MGAT4A: variants seen among roughly 807,000 people sequenced by gnomAD.
MGAT4A encodes N-acetylglucosaminyltransferase IVa.
Under a neutral mutation model 74.1 loss-of-function variants are expected in MGAT4A, and 33 were observed. The observed-to-expected ratio is 0.45, with a 90% CI of 0.34 to 0.60. MGAT4A has a LOEUF of 0.60. Among genes scored for constraint, MGAT4A ranks in the 20% least tolerant of loss-of-function variants. The probability of loss-of-function intolerance (pLI) is 0.02; values close to 1 mark genes in which losing one functional copy is unlikely to be tolerated. For synonymous variants in MGAT4A, 198 were observed against 210.4 expected, an observed-to-expected ratio of 0.94 and a Z score of 0.51; for missense variants, 479 against 628.3, an observed-to-expected ratio of 0.76 and a Z score of 2.54.
chr2:98,638,557 G>A (rs1174963801), intron 12 of MGAT4A, among the ~76,000 whole-genome samples: 1 of 152,198 alleles, frequency 6.6e-6, no homozygotes, highest in Non-Finnish European at 1.5e-5. Context: ...CTAATTCTAT[G>A]CTGGCTCTCT....
intron 2 of MGAT4A, among the ~76,000 whole-genome samples, chr2:98,696,605 A>C (rs1388939980): frequency 1.3e-5 from 2 of 152,272 alleles, no homozygotes; most frequent in Non-Finnish European, 2.9e-5. Flanking sequence ...TAAGTACCCA[A>C]GTCCAAGTCT....
intron 2 of MGAT4A, 94 bp downstream of exon 2, chr2:98,726,145 G>C: frequency 1.3e-6 from 1 of 773,648 alleles, no homozygotes; most frequent in South Asian, 2.0e-5. Flanking sequence ...GTAACATGCA[G>C]ATTGCCAGGG....
intron 1 of MGAT4A, 84 bp downstream of exon 1, chr2:98,730,964 C>A (rs1702846177): frequency 6.8e-6 from 1 of 146,946 alleles, no homozygotes; most frequent in African/African-American, 2.5e-5. Context: ...GCCGGCGCCG[C>A]CCCCAACTCC....
chr2:98,699,967 C>T (rs1476330707), intron 2 of MGAT4A, among the ~76,000 whole-genome samples: 1 of 152,144 alleles, frequency 6.6e-6, no homozygotes, highest in Non-Finnish European at 1.5e-5. Context: ...TTATAGGATA[C>T]GTGACCCGTC....
At chr2:98,704,460 T>G (rs945994127) in intron 2 of MGAT4A, among the ~76,000 whole-genome samples, 1 of 152,020 alleles carries the variant, frequency 6.6e-6, no homozygotes, top group African/African-American at 2.4e-5. Flanking sequence ...AATACAAAAC[T>G]TAGCAGGGTG....
chr2:98,715,665 G>A (rs1378475198), intron 2 of MGAT4A, among the ~76,000 whole-genome samples: 1 of 152,150 alleles, frequency 6.6e-6, no homozygotes, highest in East Asian at 1.9e-4. Context: ...TGAGGAGGGA[G>A]AGGATCAGAA....
chr2:98,671,101 C>G (rs371571087), intron 4 of MGAT4A, among the ~76,000 whole-genome samples: 9 of 152,162 alleles, frequency 5.9e-5, no homozygotes, highest in East Asian at 5.8e-4. Context: ...TCATTCCTGA[C>G]CACTCCTCTA....
At chr2:98,666,160 T>C (rs1044513238) in intron 4 of MGAT4A, among the ~76,000 whole-genome samples, 1 of 152,152 alleles carries the variant, frequency 6.6e-6, no homozygotes, top group African/African-American at 2.4e-5. Flanking sequence ...TGTAGGGTGT[T>C]TGAAGAGGTG....
intron 3 of MGAT4A, among the ~76,000 whole-genome samples, chr2:98,677,772 C>A (rs980764157): frequency 7.5e-5 from 11 of 147,178 alleles, no homozygotes; most frequent in Middle Eastern, 3.6e-3. Context: ...TAATATGACT[C>A]TCTTAAAATC....
At chr2:98,677,330 A>C (rs887885999) in intron 3 of MGAT4A, among the ~76,000 whole-genome samples, 3 of 152,232 alleles carry the variant, frequency 2.0e-5, no homozygotes, top group Non-Finnish European at 1.5e-5. Flanking sequence ...TCCACACATA[A>C]GTCATCACAG....
chr2:98,705,526 C>T (rs530542244), intron 2 of MGAT4A, among the ~76,000 whole-genome samples: 1 of 152,308 alleles, frequency 6.6e-6, no homozygotes, highest in East Asian at 1.9e-4. Flanking sequence ...TCTCAAGTGC[C>T]CTGCTCTGGA....
rs1559156494 is a variant in MGAT4A, at chr2:98,639,824, G to GT, written c.1305dup (p.Pro436ThrfsTer11). ...ATCACCAACCTTTCTACATTGACTG[G>GT]TTTATCAAATTTAAACAAGATGTAG... is the stretch of plus-strand genomic sequence containing the variant. On this transcript the variant is annotated frameshift_variant, in exon 12 of 16. Coordinates refer to ENST00000393487, the MANE Select transcript of MGAT4A (RefSeq NM_012214.3). LOFTEE classifies it high-confidence loss of function. The GT allele has an allele frequency of 6.2e-7, 1 of 1,611,772 alleles. No homozygotes were observed. The highest frequency in any genetic ancestry group is 1.7e-5 in the Admixed American group (1 of 59,416).
At chr2:98,687,799 ACCATTT>A (rs942223047) in intron 2 of MGAT4A, among the ~76,000 whole-genome samples, 5 of 152,124 alleles carry the variant, frequency 3.3e-5, no homozygotes, top group African/African-American at 7.2e-5. Flanking sequence ...CACAGCTGAC[ACCATTT>A]CCAACACCGG....
intron 8 of MGAT4A, among the ~76,000 whole-genome samples, chr2:98,655,099 G>T (rs1701639007): frequency 6.6e-6 from 1 of 152,158 alleles, no homozygotes; most frequent in African/African-American, 2.4e-5. Flanking sequence ...AAGAAAAATT[G>T]TAAGAAAATT....
chr2:98,655,556 C>CA, intron 7 of MGAT4A, 36 bp from the exon 8 acceptor site: 1 of 1,425,936 alleles, frequency 7.0e-7, no homozygotes, highest in Admixed American at 1.9e-5. Flanking sequence ...AGTTAGGAAT[C>CA]AGACTCAAAT....
rs1387551372 is a variant in MGAT4A at position 98,621,664 on chromosome 2, T to C, written c.*3902A>G. ...TGGGGGTGTCAGTAGGGGTCATTCT[T>C]AGAAATTTGCCTACCACAAATATAC... On this transcript the variant is annotated 3_prime_UTR_variant, in exon 16 of 16. Coordinates refer to ENST00000393487, the MANE Select transcript of MGAT4A (RefSeq NM_012214.3). 17 of 1,430,316 alleles carry C rather than the reference T, an allele frequency of 1.2e-5. No individual in the cohort carries two copies. The highest frequency in any genetic ancestry group is 1.5e-5 in the Non-Finnish European group (16 of 1,092,288). 88.6% of individuals were successfully genotyped at this position (1,430,316 alleles called of 1,614,324 possible). A position where few individuals can be genotyped will look rare whatever the true frequency, so the allele number is the denominator to read the frequency against.
intron 2 of MGAT4A, among the ~76,000 whole-genome samples, chr2:98,697,848 T>C (rs1048359276): frequency 6.6e-6 from 1 of 152,214 alleles, no homozygotes; most frequent in Non-Finnish European, 1.5e-5. Flanking sequence ...AGTACTCTTT[T>C]GTCTACTGTG....
chr2:98,675,293 C>T, intron 3 of MGAT4A, 118 bp from the exon 4 acceptor site: 3 of 696,850 alleles, frequency 4.3e-6, no homozygotes, highest in Admixed American at 3.3e-5. Context: ...TTCCTAGTTT[C>T]ACACTCTGGT....
At chr2:98,708,539 A>G (rs1161422398) in intron 2 of MGAT4A, among the ~76,000 whole-genome samples, 1 of 152,206 alleles carries the variant, frequency 6.6e-6, no homozygotes, top group Non-Finnish European at 1.5e-5. Context: ...TTCAGCAGTT[A>G]CACTTAGTAA....
Sources: allele counts gnomAD v4.1 joint callset (sites outside exome capture counted in the v4.1 genomes callset), GRCh38; gene constraint gnomAD v4.1.1; transcripts MANE v1.5; gene names NCBI Gene and HGNC (gene_info 2026-07-23, HGNC 2026-07-21).